Variants in TMEM39B observed in about 807,000 individuals in gnomAD.
TMEM39B encodes the protein transmembrane protein 39B.
A neutral mutation model predicts 52.2 loss-of-function variants in TMEM39B; 23 were observed. That is an observed-to-expected ratio of 0.44 (90% CI 0.32 to 0.62). TMEM39B has a LOEUF of 0.62. TMEM39B is among the 20% of genes least tolerant of loss of function. The pLI is 0.06. For synonymous variants in TMEM39B, 285 were observed against 264.0 expected, an observed-to-expected ratio of 1.08 and a Z score of -0.77; for missense variants, 547 against 642.0, an observed-to-expected ratio of 0.85 and a Z score of 1.60.
rs748377789 is a variant in TMEM39B at position 32,091,660 on chromosome 1, C to T, written c.591-15C>T. ...CCATGGGCAGGCCTTCCCTCACCAC[C>T]GTCTTCCCCAGCAGGTTTGGGATGT... On this transcript the variant is annotated splice_polypyrimidine_tract_variant and intron_variant, in intron 5 of 8. Coordinates refer to ENST00000336294, the MANE Select transcript of TMEM39B (RefSeq NM_018056.4). The T allele has an allele frequency of 7.0e-6, 11 of 1,570,224 alleles. No homozygotes were observed. In the East Asian group the frequency reaches 9.0e-5, roughly 13 times the overall value.
chr1:32,092,025 G>C lies in TMEM39B; in HGVS notation c.927+14G>C, dbSNP rs1264426570. On this transcript the variant is annotated intron_variant, in intron 6 of 8. Coordinates refer to ENST00000336294, the MANE Select transcript of TMEM39B (RefSeq NM_018056.4). ...TGGTTCGTGAAGGTGCGTACCTCAA[G>C]CCAGGGAGGGAAAGGGACTAGCTGG... is the stretch of plus-strand genomic sequence containing the variant. The C allele has an allele frequency of 6.2e-7, 1 of 1,607,308 alleles. No homozygotes were observed. Among genetic ancestry groups the C allele is most frequent in the African/African-American group, 1.3e-5 (1 of 74,860 alleles).
At position 32,092,022 on chromosome 1, in the gene TMEM39B, C is replaced by G; in HGVS notation, c.927+11C>G. 6.2e-7 allele frequency: 1 copy of G among 1,608,296 alleles called. No individual in the cohort carries two copies. Among genetic ancestry groups the G allele is most frequent in the Non-Finnish European group, 8.5e-7 (1 of 1,176,198 alleles). ...GTCTGGTTCGTGAAGGTGCGTACCTCAAGCCAGGGAGGGAAAGGGACTAGC... is the reference window on the plus strand; with the variant it reads ...GTCTGGTTCGTGAAGGTGCGTACCTGAAGCCAGGGAGGGAAAGGGACTAGC... On this transcript the variant is annotated intron_variant, in intron 6 of 8. Coordinates refer to ENST00000336294, the MANE Select transcript of TMEM39B (RefSeq NM_018056.4).
intron 5 of TMEM39B, among the ~76,000 whole-genome samples, chr1:32,083,076 GTTTTTTT>G (rs763745093): frequency 7.0e-5 from 6 of 85,872 alleles, no homozygotes; most frequent in Non-Finnish European, 8.7e-5. Context: ...GCCCAGCCTG[GTTTTTTT>G]TTTTTTTTTT....
intron 1 of TMEM39B, among the ~76,000 whole-genome samples, chr1:32,074,316 T>C (rs949532042): frequency 9.9e-5 from 15 of 152,124 alleles, no homozygotes; most frequent in Non-Finnish European, 1.9e-4. Context: ...CAGAAACTTA[T>C]GTCTGAATGG....
At chr1:32,082,380 C>T (rs1640135950) in intron 5 of TMEM39B, among the ~76,000 whole-genome samples, 1 of 152,040 alleles carries the variant, frequency 6.6e-6, no homozygotes, top group African/African-American at 2.4e-5. Context: ...ACTCCAGGGC[C>T]CAGTAGTATG....
chr1:32,094,843 C>T lies in TMEM39B; in HGVS notation c.987C>T (p.Ser329=). 6.2e-7 allele frequency: 1 copy of T among 1,614,224 alleles called. No homozygotes were observed. The highest frequency in any genetic ancestry group is 1.6e-4 in the Middle Eastern group (1 of 6,062). The change falls in exon 7 of 9, where the codon AGC becomes AGT. Residue 329 remains serine (S), a synonymous_variant. Coordinates refer to ENST00000336294, the MANE Select transcript of TMEM39B (RefSeq NM_018056.4). The part of the protein sequence containing the change: ...SCELFLLVSI[S]TSVILMQHLL... ...AACTCTTCCTGCTGGTGTCCATCAG[C>T]ACCTCCGTGATCCTCATGCAGCACC...
At chr1:32,072,544 T>C (rs189720442), upstream of TMEM39B, 6 of 157,028 alleles carry the variant, frequency 3.8e-5, no homozygotes, top group East Asian at 1.1e-3. Flanking sequence ...AGGGAGGAAA[T>C]GACTCCTGGA....
intron 5 of TMEM39B, among the ~76,000 whole-genome samples, chr1:32,083,032 C>T (rs952801740): frequency 4.0e-5 from 6 of 151,512 alleles, no homozygotes; most frequent in African/African-American, 1.5e-4. Flanking sequence ...CCTCAGCCTC[C>T]CAAAGTGCTG....
chr1:32,091,622 T>A, intron 5 of TMEM39B, 53 bp from the exon 6 acceptor site: 2 of 1,533,460 alleles, frequency 1.3e-6, no homozygotes, highest in Admixed American at 3.9e-5. Context: ...TGGCTGAGAG[T>A]TGGGATCCTG....
intron 1 of TMEM39B, chr1:32,073,254 G>A: frequency 1.6e-6 from 1 of 638,876 alleles, no homozygotes; most frequent in East Asian, 3.5e-5. Flanking sequence ...ACGGTGGGCG[G>A]GGCTTCTAAG....
At chr1:32,081,085 A>C (rs1021174733) in intron 5 of TMEM39B, among the ~76,000 whole-genome samples, 3 of 152,038 alleles carry the variant, frequency 2.0e-5, no homozygotes, top group Non-Finnish European at 4.4e-5. Context: ...CCGCCTCCAG[A>C]TTTTTAGTCC....
intron 5 of TMEM39B, among the ~76,000 whole-genome samples, chr1:32,078,120 G>C (rs1639943140): frequency 6.6e-6 from 1 of 152,082 alleles, no homozygotes; most frequent in Non-Finnish European, 1.5e-5. Context: ...TTTCTACCCT[G>C]CATGTCCAAA....
At chr1:32,099,371 A>G (rs1337301127) in intron 7 of TMEM39B, among the ~76,000 whole-genome samples, 1 of 152,174 alleles carries the variant, frequency 6.6e-6, no homozygotes, top group African/African-American at 2.4e-5. Context: ...AATGTAAATG[A>G]CGAGTTAATG....
rs1334887702 is a variant in TMEM39B, at chr1:32,075,764, A to G, written c.293A>G (p.Asn98Ser). 3 of 1,550,710 alleles carry G rather than the reference A, an allele frequency of 1.9e-6. No homozygotes were observed. The highest frequency in any genetic ancestry group is 1.7e-6 in the Non-Finnish European group (2 of 1,146,352). The stretch of plus-strand genomic sequence containing the variant: ...ATAGCACTCTTCGTCCACTACATCA[A>G]CATCTACAAGACAGTGTGGTGGTAT... Reference protein sequence around the residue: ...QLIALFVHYINIYKTVWWYPP... With the variant: ...QLIALFVHYISIYKTVWWYPP... Residue 98 changes from asparagine (N) to serine (S), a missense_variant, in exon 3 of 9, where the codon AAC (asparagine) becomes AGC (serine). Asn to Ser is a conservative substitution (Grantham distance 46). Coordinates refer to ENST00000336294, the MANE Select transcript of TMEM39B (RefSeq NM_018056.4).
chr1:32,092,703 C>T (rs1301788953), intron 6 of TMEM39B, among the ~76,000 whole-genome samples: 1 of 151,974 alleles, frequency 6.6e-6, no homozygotes, highest in Non-Finnish European at 1.5e-5. Flanking sequence ...GTTGGCCAGT[C>T]TGGTCTCAAA....
At chr1:32,086,402 A>G (rs1406540579) in intron 5 of TMEM39B, among the ~76,000 whole-genome samples, 1 of 152,166 alleles carries the variant, frequency 6.6e-6, no homozygotes, top group Non-Finnish European at 1.5e-5. Flanking sequence ...CACATGAAAT[A>G]GGGTAGTCTG....
chr1:32,102,351 A>G, intron 8 of TMEM39B, 80 bp from the exon 9 acceptor site: 1 of 1,552,182 alleles, frequency 6.4e-7, no homozygotes, highest in African/African-American at 1.4e-5. Context: ...TGTCCCCTTC[A>G]CTGGCCCACC....
rs779224876 is a variant in TMEM39B at position 32,083,986 on chromosome 1, G to GACACACACACACACACACACACACAC, written c.590+6675_590+6676insCACACACACACACACACACACACACA. Among the ~76,000 whole-genome samples, 713 of 151,482 alleles carry GACACACACACACACACACACACACAC rather than the reference G, an allele frequency of 4.7e-3. 4 individuals carry two copies. Among genetic ancestry groups the GACACACACACACACACACACACACAC allele is most frequent in the African/African-American group, 0.016 (656 of 41,044 alleles). On this transcript the variant is annotated intron_variant, in intron 5 of 8. Transcript: ENST00000336294. ...GGCAATAGAGCAAGACCCTGTTTCA[G>GACACACACACACACACACACACACAC]ACACACAGACACACACACACACACA...
chr1:32,092,449 C>T (rs922386658), intron 6 of TMEM39B, among the ~76,000 whole-genome samples: 25 of 152,138 alleles, frequency 1.6e-4, no homozygotes, highest in African/African-American at 6.0e-4. Flanking sequence ...TGAGCCACTA[C>T]ATCCAGCCTG....
Sources: gnomAD v4.1 joint callset for allele counts (sites outside exome capture counted in the v4.1 genomes callset) on GRCh38, gnomAD v4.1.1 for gene constraint, MANE v1.5 for transcripts, NCBI Gene and HGNC (gene_info 2026-07-23, HGNC 2026-07-21) for gene names.